Variants in KIAA1217 observed in about 807,000 individuals in gnomAD.
The protein encoded by KIAA1217 is KIAA1217.
A neutral mutation model predicts 163.9 loss-of-function variants in KIAA1217; 88 were observed. The observed-to-expected ratio is 0.54, with a 90% CI of 0.45 to 0.64. KIAA1217 has a LOEUF of 0.64. Among genes scored for constraint, KIAA1217 ranks in the 30% least tolerant of loss-of-function variants. The pLI, the probability that KIAA1217 is intolerant of heterozygous loss-of-function variation, is 0.00. For synonymous variants in KIAA1217, 903 were observed against 923.1 expected, an observed-to-expected ratio of 0.98 and a Z score of 0.39; for missense variants, 2,372 against 2,475.0, an observed-to-expected ratio of 0.96 and a Z score of 0.88.
rs1275191864 is a variant in KIAA1217, at chr10:24,075,606, C to CTTT, written c.-171+68245_-171+68247dup. Among the ~76,000 whole-genome samples, 214 of 138,072 alleles carry CTTT rather than the reference C, an allele frequency of 1.5e-3. 2 individuals carry two copies. The highest frequency in any genetic ancestry group is 4.7e-3 in the African/African-American group (176 of 37,450). 90.6% of individuals were successfully genotyped at this position (138,072 alleles called of 152,430 possible). The stretch of plus-strand genomic sequence containing the variant: ...GTCTCCAAATCTAAAAGCATTTTAT[C>CTTT]TTTTTTTTTTTTTTTGAGATGGAGT... On this transcript the variant is annotated intron_variant, in intron 2 of 18. Coordinates refer to the KIAA1217 transcript ENST00000376462.
At chr10:23,710,146 G>C (rs1353404488) in intron 1 of KIAA1217, among the ~76,000 whole-genome samples, 1 of 152,044 alleles carries the variant, frequency 6.6e-6, no homozygotes, top group Non-Finnish European at 1.5e-5. Flanking sequence ...AGAGTGGCAG[G>C]TGTGGGACGG....
chr10:23,708,326 C>T (rs1837021619), intron 1 of KIAA1217, among the ~76,000 whole-genome samples: 1 of 152,052 alleles, frequency 6.6e-6, no homozygotes, highest in African/African-American at 2.4e-5. Context: ...ATAGCCAAAC[C>T]CTATTACAGG....
rs1023397372 is a variant in KIAA1217, at chr10:24,367,162, T to C, written c.355-13707T>C. ...ATCTCTCTTCAGGCAGAACTTGACATTCAAAGGTACTTGATGAAAATTGAA... is the reference window on the plus strand; with the variant it reads ...ATCTCTCTTCAGGCAGAACTTGACACTCAAAGGTACTTGATGAAAATTGAA... On this transcript the variant is annotated intron_variant, in intron 2 of 20. Coordinates refer to ENST00000376454, the MANE Select transcript of KIAA1217 (RefSeq NM_019590.5). The C allele has an allele frequency of 9.1e-6, 9 of 985,626 alleles. No homozygotes were observed. In the African/African-American group the frequency reaches 1.6e-4, roughly 17 times the overall value. 61.1% of individuals were successfully genotyped at this position (985,626 alleles called of 1,614,324 possible).
chr10:24,003,963 TTTTTA>T (rs895394760), intron 1 of KIAA1217, among the ~76,000 whole-genome samples: 2 of 152,112 alleles, frequency 1.3e-5, no homozygotes, highest in African/African-American at 4.8e-5. Flanking sequence ...CAGAGACCTT[TTTTTA>T]TTTTATTTTA....
chr10:24,136,556 C>G (rs924570890), intron 2 of KIAA1217, among the ~76,000 whole-genome samples: 1 of 152,078 alleles, frequency 6.6e-6, no homozygotes, highest in Admixed American at 6.6e-5. Context: ...GGTCAAATGA[C>G]TAGTCATCTT....
chr10:24,114,425 C>T (rs2062972670), intron 2 of KIAA1217, among the ~76,000 whole-genome samples: 2 of 152,074 alleles, frequency 1.3e-5, no homozygotes, highest in Admixed American at 1.3e-4. Flanking sequence ...TAATTTTTTG[C>T]AGAGCAATTG....
rs556587194 is a variant in KIAA1217, at chr10:23,827,047, A to T, written c.-321+131813A>T. Among the ~76,000 whole-genome samples, 34 of 152,300 alleles carry T rather than the reference A, an allele frequency of 2.2e-4. 1 individual carries two copies. The highest frequency in any genetic ancestry group is 8.2e-4 in the African/African-American group (34 of 41,550). ...AATCTGGTGAGAGGTGAAGAGGGAG[A>T]TCAGCACACAAATTCAGGAAAGTGA... On this transcript the variant is annotated intron_variant, in intron 1 of 18. Coordinates refer to the KIAA1217 transcript ENST00000376462.
chr10:23,820,625 C>T (rs949483910), intron 1 of KIAA1217, among the ~76,000 whole-genome samples: 1 of 152,108 alleles, frequency 6.6e-6, no homozygotes, highest in Non-Finnish European at 1.5e-5. Context: ...GAGGAGGTTG[C>T]CTTAAAGGGC....
chr10:24,077,219 A>G (rs1216038689), intron 2 of KIAA1217, among the ~76,000 whole-genome samples: 1 of 152,010 alleles, frequency 6.6e-6, no homozygotes, highest in East Asian at 1.9e-4. Context: ...CATGTGCAGG[A>G]TGTGCAGGTT....
chr10:24,211,198 G>A (rs4256889), intron 1 of KIAA1217, among the ~76,000 whole-genome samples: 86,107 of 151,592 alleles, frequency 0.57, 24,596 homozygotes, highest in East Asian at 0.69. Context: ...GGTAACAGCA[G>A]GGATGTAATG....
At chr10:23,987,809 T>C (rs1846049280) in intron 1 of KIAA1217, among the ~76,000 whole-genome samples, 1 of 152,200 alleles carries the variant, frequency 6.6e-6, no homozygotes, top group African/African-American at 2.4e-5. Flanking sequence ...CATCTTATTG[T>C]TTTTTAAGTG....
chr10:24,407,189 G>A (rs1020600893), intron 3 of KIAA1217, among the ~76,000 whole-genome samples: 1 of 152,070 alleles, frequency 6.6e-6, no homozygotes, highest in African/African-American at 2.4e-5. Context: ...AGGATGTCTC[G>A]TAGCAATGTT....
At chr10:24,544,932 A>T in intron 19 of KIAA1217, 49 bp from the exon 20 acceptor site, 1 of 1,597,670 alleles carries the variant, frequency 6.3e-7, no homozygotes, top group South Asian at 1.1e-5. Flanking sequence ...CAGATGACCT[A>T]CTCATGCGCT....
chr10:23,808,461 G>A (rs572811585), intron 1 of KIAA1217, among the ~76,000 whole-genome samples: 3 of 152,288 alleles, frequency 2.0e-5, no homozygotes, highest in Middle Eastern at 3.4e-3. Context: ...GTTTTTATAA[G>A]CGTATTTTTC....
At chr10:23,699,430 C>G (rs12249172) in intron 1 of KIAA1217, among the ~76,000 whole-genome samples, 2,862 of 152,296 alleles carry the variant, frequency 0.019, 96 homozygotes, top group African/African-American at 0.065. Flanking sequence ...TGGTCAGGAT[C>G]TCCTGGGTGG....
intron 1 of KIAA1217, among the ~76,000 whole-genome samples, chr10:23,778,370 A>G (rs878870700): frequency 6.6e-6 from 1 of 152,234 alleles, no homozygotes; most frequent in Non-Finnish European, 1.5e-5. Context: ...ATAGAAAAAC[A>G]TAGAGAAAAA....
intron 2 of KIAA1217, among the ~76,000 whole-genome samples, chr10:24,369,886 TTGA>T (rs771531289): frequency 5.9e-5 from 9 of 152,316 alleles, no homozygotes; most frequent in Non-Finnish European, 1.2e-4. Context: ...ATTTTACTTG[TTGA>T]TAAGGCATTA....
intron 1 of KIAA1217, among the ~76,000 whole-genome samples, chr10:23,875,765 A>G (rs1840661330): frequency 6.6e-6 from 1 of 152,082 alleles, no homozygotes; most frequent in South Asian, 2.1e-4. Flanking sequence ...AATACTATGT[A>G]GCCATAAAAA....
chr10:23,947,032 T>G (rs1360038804), intron 1 of KIAA1217, among the ~76,000 whole-genome samples: 1 of 152,122 alleles, frequency 6.6e-6, no homozygotes, highest in Non-Finnish European at 1.5e-5. Context: ...CCATTTTGCT[T>G]GACGCTTCTC....
Sources: gnomAD v4.1 joint callset for allele counts (sites outside exome capture counted in the v4.1 genomes callset) on GRCh38, gnomAD v4.1.1 for gene constraint, MANE v1.5 for transcripts, NCBI Gene and HGNC (gene_info 2026-07-23, HGNC 2026-07-21) for gene names.